MITF: variants seen among roughly 807,000 people sequenced by gnomAD.
MITF encodes microphthalmia-associated transcription factor.
A neutral mutation model predicts 60.5 loss-of-function variants in MITF; 17 were observed. That is an observed-to-expected ratio of 0.28 (90% CI 0.19 to 0.42). The LOEUF is 0.42. MITF is among the 10% of genes least tolerant of loss of function. The pLI is 1.00. For synonymous variants in MITF, 260 were observed against 248.5 expected (o/e 1.05, Z -0.43); for missense variants, 622 against 683.5 (o/e 0.91, Z 1.00).
At chr3:69,894,624 T>A (rs146544060) in intron 2 of MITF, among the ~76,000 whole-genome samples, 2 of 150,358 alleles carry the variant, frequency 1.3e-5, no homozygotes, top group African/African-American at 4.9e-5. Context: ...AGGCAGAGGT[T>A]GCAGTGAGCC....
chr3:69,847,732 T>C (rs2063756179), intron 1 of MITF, among the ~76,000 whole-genome samples: 1 of 152,258 alleles, frequency 6.6e-6, no homozygotes, highest in Non-Finnish European at 1.5e-5. Context: ...AAAAGTCTAC[T>C]CCGTAACTCA....
chr3:69,903,446 A>T (rs781677055), intron 2 of MITF, among the ~76,000 whole-genome samples: 4 of 152,078 alleles, frequency 2.6e-5, no homozygotes, highest in Non-Finnish European at 4.4e-5. Context: ...TATCTTGCAG[A>T]TGGATGTTCT....
At chr3:69,780,408 A>C (rs993936120) in intron 1 of MITF, among the ~76,000 whole-genome samples, 1 of 152,194 alleles carries the variant, frequency 6.6e-6, no homozygotes, top group Non-Finnish European at 1.5e-5. Flanking sequence ...TCTGTGAGCT[A>C]GATTCACCCT....
chr3:69,761,463 C>T (rs1468256366), intron 1 of MITF, among the ~76,000 whole-genome samples: 2 of 152,176 alleles, frequency 1.3e-5, no homozygotes, highest in East Asian at 3.8e-4. Flanking sequence ...AGCTCACTCT[C>T]TTATTCACCA....
chr3:69,936,362 T>TG (rs1213645556), intron 2 of MITF, among the ~76,000 whole-genome samples: 3 of 152,198 alleles, frequency 2.0e-5, no homozygotes, highest in African/African-American at 2.4e-5. Flanking sequence ...AATAGTGAAT[T>TG]GGCCTTGATC....
At chr3:69,926,095 A>C (rs1273599666) in intron 2 of MITF, among the ~76,000 whole-genome samples, 1 of 152,156 alleles carries the variant, frequency 6.6e-6, no homozygotes, top group African/African-American at 2.4e-5. Flanking sequence ...TGGTTACATT[A>C]AACCTGCATG....
At chr3:69,779,612 C>T (rs1168297019) in intron 1 of MITF, among the ~76,000 whole-genome samples, 1 of 151,974 alleles carries the variant, frequency 6.6e-6, no homozygotes, top group Non-Finnish European at 1.5e-5. Flanking sequence ...GAACTTTGTT[C>T]TGTATGTGAT....
chr3:69,844,521 G>A (rs538531497), intron 1 of MITF, among the ~76,000 whole-genome samples: 1 of 152,106 alleles, frequency 6.6e-6, no homozygotes, highest in Non-Finnish European at 1.5e-5. Flanking sequence ...AAAAACCCTA[G>A]AAGAAAACCT....
chr3:69,754,639 T>C (rs1704061594), intron 1 of MITF, among the ~76,000 whole-genome samples: 1 of 152,094 alleles, frequency 6.6e-6, no homozygotes, highest in African/African-American at 2.4e-5. Context: ...TTTTTTTTTT[T>C]GAAATAAATT....
intron 1 of MITF, among the ~76,000 whole-genome samples, chr3:69,872,800 A>C (rs1265023092): frequency 6.6e-6 from 1 of 152,166 alleles, no homozygotes; most frequent in Non-Finnish European, 1.5e-5. Flanking sequence ...TTAGAAAGAA[A>C]AGACTTCAGA....
intron 1 of MITF, among the ~76,000 whole-genome samples, chr3:69,747,493 G>A (rs1352986329): frequency 2.0e-5 from 3 of 152,198 alleles, no homozygotes; most frequent in Non-Finnish European, 4.4e-5. Flanking sequence ...CGGGACAGTT[G>A]CCATCTTGCA....
At chr3:69,787,112 A>G (rs910258271) in intron 1 of MITF, among the ~76,000 whole-genome samples, 2 of 152,196 alleles carry the variant, frequency 1.3e-5, no homozygotes, top group Non-Finnish European at 2.9e-5. Flanking sequence ...CTCTTCCACG[A>G]TAGCAAAGGA....
intron 1 of MITF, chr3:69,866,468 G>T: frequency 9.3e-7 from 1 of 1,070,416 alleles, no homozygotes. Flanking sequence ...TACTGAAGCT[G>T]TTACTTCTCA....
At chr3:69,922,906 A>C (rs2065499887) in intron 2 of MITF, among the ~76,000 whole-genome samples, 1 of 152,130 alleles carries the variant, frequency 6.6e-6, no homozygotes, top group Non-Finnish European at 1.5e-5. Flanking sequence ...TCCCAGAACA[A>C]ATGTCCATAT....
At chr3:69,741,908 T>C (rs1575652251) in intron 1 of MITF, among the ~76,000 whole-genome samples, 1 of 152,218 alleles carries the variant, frequency 6.6e-6, no homozygotes, top group East Asian at 1.9e-4. Context: ...CTGGGGCACC[T>C]CACTTCTTAC....
At chr3:69,835,377 A>C (rs2063525033) in intron 1 of MITF, among the ~76,000 whole-genome samples, 2 of 151,428 alleles carry the variant, frequency 1.3e-5, no homozygotes, top group South Asian at 4.2e-4. Context: ...CTGGATATTA[A>C]CTCCTTGTCA....
intron 1 of MITF, among the ~76,000 whole-genome samples, chr3:69,802,481 A>G (rs2062937004): frequency 6.6e-6 from 1 of 152,132 alleles, no homozygotes; most frequent in Non-Finnish European, 1.5e-5. Flanking sequence ...TTAACTTTTC[A>G]GATAATATTC....
At chr3:69,878,097 G>A (rs573878548) in intron 1 of MITF, among the ~76,000 whole-genome samples, 1 of 152,066 alleles carries the variant, frequency 6.6e-6, no homozygotes, top group African/African-American at 2.4e-5. Context: ...TATGTGCCTT[G>A]TTTTATTTAA....
Position 69,939,255 on chromosome 3 carries a change from C to T in MITF, c.666+74C>T. The T allele has an allele frequency of 5.9e-6, 8 of 1,347,382 alleles. No individual in the cohort carries two copies. The South Asian group carries it at 1.0e-4, about 17-fold the overall frequency. 83.5% of individuals were successfully genotyped at this position (1,347,382 alleles called of 1,614,324 possible). On this transcript the variant is annotated intron_variant, in intron 4 of 9. Transcript: ENST00000352241. ...CTATATTTGTGGTGGATCACACCTT[C>T]CTGAAAACTTAAGCATTTTTTTCCC...
Sources: allele counts gnomAD v4.1 joint callset (sites outside exome capture counted in the v4.1 genomes callset), GRCh38; gene constraint gnomAD v4.1.1; transcripts MANE v1.5; gene names NCBI Gene and HGNC (gene_info 2026-07-23, HGNC 2026-07-21).